The following ADGRF3 variants were observed in gnomAD, a reference collection of about 807,000 sequenced individuals.
The protein encoded by ADGRF3 is G protein-coupled receptor 113.
Under a neutral mutation model 93.2 loss-of-function variants are expected in ADGRF3, and 85 were observed. The ratio of observed to expected loss-of-function variants is 0.91; its 90% CI spans 0.77 to 1.09. ADGRF3 has a LOEUF of 1.09. Among genes scored for constraint, ADGRF3 ranks in the 50% least tolerant of loss-of-function variants. ADGRF3 has a pLI of 0.00. For synonymous variants in ADGRF3, 534 were observed against 532.5 expected (o/e 1.00, Z -0.04); for missense variants, 1,125 against 1,246.2 (o/e 0.90, Z 1.46).
At chr2:26,317,668 T>G in intron 1 of ADGRF3, 106 bp from the exon 2 acceptor site, 2 of 1,042,610 alleles carry the variant, frequency 1.9e-6, no homozygotes, top group Non-Finnish European at 2.9e-6. Context: ...CAGCTCTTCT[T>G]TTTGCCAGGA....
chr2:26,346,325 C>G lies in ADGRF3; in HGVS notation c.-91G>C, dbSNP rs1179898530. ...CCGGCGGATGCCCCTCTCCCTGCTCCCGGCCTCGCCCAGGCGGCTGAGGGG... is the reference window on the plus strand; with the variant it reads ...CCGGCGGATGCCCCTCTCCCTGCTCGCGGCCTCGCCCAGGCGGCTGAGGGG... On this transcript the variant is annotated 5_prime_UTR_variant, in exon 1 of 14. Coordinates refer to ENST00000651242, the MANE Select transcript of ADGRF3 (RefSeq NM_001321971.2). 1 of 1,589,804 alleles carries G rather than the reference C, an allele frequency of 6.3e-7. No homozygotes were observed. The highest frequency in any genetic ancestry group is 8.6e-7 in the Non-Finnish European group (1 of 1,166,972).
intron 1 of ADGRF3, among the ~76,000 whole-genome samples, chr2:26,341,997 C>T (rs1238409616): frequency 2.6e-5 from 4 of 151,308 alleles, no homozygotes; most frequent in Non-Finnish European, 5.9e-5. Flanking sequence ...GGCGTGAACC[C>T]GGGAGGCGGA....
intron 12 of ADGRF3, 53 bp downstream of exon 12, chr2:26,309,990 C>T: frequency 6.2e-7 from 1 of 1,614,066 alleles, no homozygotes; most frequent in Non-Finnish European, 8.5e-7. Flanking sequence ...CCATGGAATG[C>T]CTTCTGACAT....
At position 26,346,060 on chromosome 2, in the gene ADGRF3, AG is replaced by A. The variant is rs1428989342; in HGVS notation, c.114+60del. 3.8e-4 allele frequency: 567 copies of A among 1,491,172 alleles called. No homozygotes were observed. The African/African-American group carries it at 7.0e-3, about 19-fold the overall frequency. 92.4% of individuals were successfully genotyped at this position (1,491,172 alleles called of 1,614,324 possible). A position where few individuals can be genotyped will look rare whatever the true frequency, so the allele number is the denominator to read the frequency against. On this transcript the variant is annotated intron_variant, in intron 1 of 13. Coordinates refer to ENST00000651242, the MANE Select transcript of ADGRF3 (RefSeq NM_001321971.2). Reference sequence around the variant, plus strand: ...GCGTGGGCTGCGCTTGCGCACTGAGAGGCGGCCGAAGGGGCCGAGGCGGCTA... The same window carrying A: ...GCGTGGGCTGCGCTTGCGCACTGAGAGCGGCCGAAGGGGCCGAGGCGGCTA...
intron 5 of ADGRF3, among the ~76,000 whole-genome samples, 172 bp downstream of exon 5, chr2:26,315,350 A>G (rs1282534307): frequency 6.6e-6 from 1 of 152,222 alleles, no homozygotes; most frequent in Non-Finnish European, 1.5e-5. Context: ...TTGTTTCCCC[A>G]GAATGGGTAA....
At chr2:26,309,865 C>A in intron 12 of ADGRF3, 178 bp downstream of exon 12, 1 of 1,451,310 alleles carries the variant, frequency 6.9e-7, no homozygotes, top group Non-Finnish European at 9.4e-7. Flanking sequence ...CCTGACTGCT[C>A]TGACCAGGCT....
chr2:26,322,362 C>A (rs1156375998), intron 1 of ADGRF3, among the ~76,000 whole-genome samples: 1 of 151,994 alleles, frequency 6.6e-6, no homozygotes, highest in East Asian at 1.9e-4. Context: ...TATTCCACCC[C>A]CAAAACATAA....
intron 1 of ADGRF3, among the ~76,000 whole-genome samples, chr2:26,325,368 G>T (rs916742592): frequency 3.9e-5 from 6 of 152,144 alleles, no homozygotes; most frequent in Admixed American, 3.9e-4. Flanking sequence ...TAGGAAAAAA[G>T]ATATTTCTGA....
intron 1 of ADGRF3, among the ~76,000 whole-genome samples, chr2:26,318,324 T>C (rs1196349421): frequency 2.0e-5 from 3 of 152,152 alleles, no homozygotes; most frequent in Non-Finnish European, 2.9e-5. Flanking sequence ...CTGGTCACAA[T>C]GGCACGTGCC....
intron 1 of ADGRF3, among the ~76,000 whole-genome samples, chr2:26,334,234 C>T (rs1675919959): frequency 6.8e-6 from 1 of 147,546 alleles, no homozygotes; most frequent in African/African-American, 2.5e-5. Flanking sequence ...GCAGGAGGAT[C>T]ACTTGAGTCC....
At chr2:26,339,098 G>T (rs1274657581) in intron 1 of ADGRF3, among the ~76,000 whole-genome samples, 3 of 107,294 alleles carry the variant, frequency 2.8e-5, no homozygotes, top group Admixed American at 2.7e-4. Context: ...CTGGGCAACA[G>T]AGTAAGACTC....
intron 1 of ADGRF3, among the ~76,000 whole-genome samples, chr2:26,327,130 AACCAAGTGGG>A (rs1675477324): frequency 6.6e-6 from 1 of 152,162 alleles, no homozygotes. Context: ...CCACATCTAA[AACCAAGTGGG>A]AACAATTTCT....
chr2:26,318,953 C>T, intron 1 of ADGRF3: 1 of 1,551,752 alleles, frequency 6.4e-7, no homozygotes, highest in African/African-American at 1.4e-5. Context: ...GGTCTCACCC[C>T]AGTCTCACTT....
chr2:26,337,354 G>T (rs931429986), intron 1 of ADGRF3, among the ~76,000 whole-genome samples: 1 of 152,234 alleles, frequency 6.6e-6, no homozygotes, highest in African/African-American at 2.4e-5. Flanking sequence ...GCTTCATTGA[G>T]ATATGATTGA....
chr2:26,341,845 G>A lies in ADGRF3; in HGVS notation c.114+4276C>T, dbSNP rs570479632. Among the ~76,000 whole-genome samples, 13 of 151,984 alleles carry A rather than the reference G, an allele frequency of 8.6e-5. No homozygotes were observed. The East Asian group carries it at 1.9e-3, about 23-fold the overall frequency. On this transcript the variant is annotated intron_variant, in intron 1 of 13. Coordinates refer to ENST00000651242, the MANE Select transcript of ADGRF3 (RefSeq NM_001321971.2). ...TCCCAGCGCTTTGGGAGGCTGAGGCGGGCAGATCACGAGGTCAGGAGATCG... is the reference window on the plus strand; with the variant it reads ...TCCCAGCGCTTTGGGAGGCTGAGGCAGGCAGATCACGAGGTCAGGAGATCG...
At chr2:26,330,375 A>G (rs1329860740) in intron 1 of ADGRF3, among the ~76,000 whole-genome samples, 2 of 152,102 alleles carry the variant, frequency 1.3e-5, no homozygotes, top group African/African-American at 2.4e-5. Flanking sequence ...TCATTCTAGT[A>G]CTTTCTGATT....
chr2:26,346,042 C>T (rs1260943406), intron 1 of ADGRF3, 79 bp downstream of exon 1: 4 of 1,418,546 alleles, frequency 2.8e-6, no homozygotes, highest in Non-Finnish European at 3.8e-6. Context: ...GAAGCGTGGG[C>T]TGCGCTTGCG....
At chr2:26,317,617 G>GA in intron 1 of ADGRF3, 55 bp from the exon 2 acceptor site, 1 of 1,493,220 alleles carries the variant, frequency 6.7e-7, no homozygotes, top group Non-Finnish European at 9.1e-7. Flanking sequence ...CACCCCAGGG[G>GA]CCAGCCTGAC....
At chr2:26,317,444 T>C (rs1018939326) in intron 2 of ADGRF3, 52 bp downstream of exon 2, 9 of 1,523,650 alleles carry the variant, frequency 5.9e-6, no homozygotes, top group Middle Eastern at 1.7e-4. Context: ...TTCCACCTCA[T>C]TCCCAGCTCC....
Sources: gnomAD v4.1 joint callset for allele counts (sites outside exome capture counted in the v4.1 genomes callset) on GRCh38, gnomAD v4.1.1 for gene constraint, MANE v1.5 for transcripts, NCBI Gene and HGNC (gene_info 2026-07-23, HGNC 2026-07-21) for gene names.